NELL1: variants seen among roughly 807,000 people sequenced by gnomAD.
The protein encoded by NELL1 is neural EGFL like 1, also known as protein kinase C-binding protein NELL1.
Under a neutral mutation model 107.4 loss-of-function variants are expected in NELL1, and 76 were observed. That is an observed-to-expected ratio of 0.71 (90% CI 0.59 to 0.86). The LOEUF is 0.86. Ranked by LOEUF, NELL1 falls within the 40% of genes least tolerant of loss-of-function variation. The probability of loss-of-function intolerance (pLI) is 0.00; values close to 1 mark genes in which losing one functional copy is unlikely to be tolerated. For synonymous variants in NELL1, 353 were observed against 341.2 expected (o/e 1.03, Z -0.38); for missense variants, 1,024 against 1,005.5 (o/e 1.02, Z -0.25).
At chr11:21,152,048 T>C (rs1856129605) in intron 13 of NELL1, among the ~76,000 whole-genome samples, 1 of 152,174 alleles carries the variant, frequency 6.6e-6, no homozygotes, top group Non-Finnish European at 1.5e-5. Flanking sequence ...AAGTACTAGA[T>C]TTAATAGTCC....
chr11:20,724,144 C>T (rs564327391), intron 2 of NELL1, among the ~76,000 whole-genome samples: 5 of 152,332 alleles, frequency 3.3e-5, no homozygotes, highest in East Asian at 3.9e-4. Context: ...AGGCCTTGGG[C>T]CTGTGATGGA....
chr11:21,013,989 A>G (rs1398797036), intron 12 of NELL1, among the ~76,000 whole-genome samples: 1 of 151,988 alleles, frequency 6.6e-6, no homozygotes, highest in African/African-American at 2.4e-5. Flanking sequence ...GGCTGGGGTT[A>G]TGTGTATTGA....
intron 15 of NELL1, among the ~76,000 whole-genome samples, chr11:21,440,609 T>C (rs1254157622): frequency 6.6e-6 from 1 of 152,184 alleles, no homozygotes; most frequent in East Asian, 1.9e-4. Flanking sequence ...ATAGTGAAGA[T>C]GTACTACCTA....
intron 14 of NELL1, among the ~76,000 whole-genome samples, chr11:21,244,195 C>T (rs1310735415): frequency 6.6e-6 from 1 of 152,076 alleles, no homozygotes; most frequent in Non-Finnish European, 1.5e-5. Context: ...AAGAACACAA[C>T]AAATCTATAG....
chr11:20,742,625 C>T (rs769708751), intron 2 of NELL1, among the ~76,000 whole-genome samples: 54 of 152,240 alleles, frequency 3.5e-4, no homozygotes, highest in South Asian at 4.2e-4. Flanking sequence ...GGCAAGAGAG[C>T]GTGTGCAGGA....
intron 15 of NELL1, among the ~76,000 whole-genome samples, chr11:21,454,641 A>G (rs1319407400): frequency 2.0e-5 from 3 of 152,250 alleles, no homozygotes; most frequent in East Asian, 3.8e-4. Context: ...GGTTTAAATG[A>G]CAGACATTTA....
intron 15 of NELL1, among the ~76,000 whole-genome samples, chr11:21,483,990 C>CATACATATATAT (rs1554920912): frequency 1.1e-5 from 1 of 88,400 alleles, no homozygotes; most frequent in East Asian, 2.9e-4. Flanking sequence ...TTTTACTTAA[C>CATACATATATAT]ATATATATAT....
chr11:20,724,323 A>G (rs1855461028), intron 2 of NELL1, among the ~76,000 whole-genome samples: 1 of 152,228 alleles, frequency 6.6e-6, no homozygotes, highest in African/African-American at 2.4e-5. Context: ...CAAATTTTCC[A>G]AACTTATATA....
chr11:21,092,993 T>G (rs1854555415), intron 12 of NELL1, among the ~76,000 whole-genome samples: 1 of 152,202 alleles, frequency 6.6e-6, no homozygotes, highest in South Asian at 2.1e-4. Flanking sequence ...GAGTCTGGTA[T>G]ACAAGTCTTG....
At chr11:20,808,007 T>C (rs1406551482) in intron 3 of NELL1, among the ~76,000 whole-genome samples, 4 of 152,302 alleles carry the variant, frequency 2.6e-5, no homozygotes, top group South Asian at 2.1e-4. Flanking sequence ...CAGCCTGGAA[T>C]TGGGGACCCC....
chr11:21,003,636 A>G (rs1368632806), intron 12 of NELL1, among the ~76,000 whole-genome samples: 1 of 152,032 alleles, frequency 6.6e-6, no homozygotes, highest in Non-Finnish European at 1.5e-5. Flanking sequence ...TGGTACAGAG[A>G]CCTATGGACC....
intron 12 of NELL1, among the ~76,000 whole-genome samples, chr11:21,021,012 AACACAC>A (rs56813080): frequency 4.9e-4 from 69 of 140,304 alleles, no homozygotes; most frequent in South Asian, 2.1e-3. Flanking sequence ...AGAAACTTAG[AACACAC>A]ACACACACAC....
rs115294223 is a variant in NELL1, at chr11:20,674,873, C to T, written c.56-3059C>T. Among the ~76,000 whole-genome samples the T allele has an allele frequency of 9.4e-3, 1,428 of 152,232 alleles. 23 individuals are homozygous for T. Among genetic ancestry groups the T allele is most frequent in the African/African-American group, 0.032 (1,336 of 41,528 alleles). On this transcript the variant is annotated intron_variant, in intron 1 of 19. Transcript: ENST00000357134. ...GATTTGAGCGTCTTAAGGATGCCATCGTAGAAGGTCTTTAGTCCCTGCATC... is the reference window on the plus strand; with the variant it reads ...GATTTGAGCGTCTTAAGGATGCCATTGTAGAAGGTCTTTAGTCCCTGCATC...
intron 2 of NELL1, among the ~76,000 whole-genome samples, chr11:20,749,413 A>C (rs959171288): frequency 1.6e-4 from 25 of 152,046 alleles, no homozygotes; most frequent in Non-Finnish European, 2.9e-4. Context: ...AGCCTGGGTA[A>C]CACAATGAGA....
chr11:21,457,144 G>C (rs977438781), intron 15 of NELL1, among the ~76,000 whole-genome samples: 1 of 152,148 alleles, frequency 6.6e-6, no homozygotes, highest in Admixed American at 6.5e-5. Context: ...AGAAAGAATG[G>C]CCAGTTCTAC....
intron 12 of NELL1, among the ~76,000 whole-genome samples, chr11:21,068,182 T>A (rs981313251): frequency 1.3e-5 from 2 of 152,066 alleles, no homozygotes; most frequent in African/African-American, 4.8e-5. Context: ...ACCCTGTGCC[T>A]GGATGAATGG....
intron 15 of NELL1, among the ~76,000 whole-genome samples, chr11:21,408,113 T>A (rs188624465): frequency 8.2e-4 from 125 of 152,098 alleles, no homozygotes; most frequent in Non-Finnish European, 1.3e-3. Context: ...GAGTTGATCA[T>A]AGCTCTCTTT....
chr11:20,988,402 T>C (rs565867639), intron 12 of NELL1, among the ~76,000 whole-genome samples: 1 of 150,766 alleles, frequency 6.6e-6, no homozygotes, highest in South Asian at 2.1e-4. Flanking sequence ...TATATACATA[T>C]CTATATATAC....
chr11:20,887,411 AACT>A (rs1849531868), intron 5 of NELL1, among the ~76,000 whole-genome samples: 1 of 152,220 alleles, frequency 6.6e-6, no homozygotes, highest in Admixed American at 6.5e-5. Context: ...ATTCACAGGC[AACT>A]GCTAAACCAT....
Sources: allele counts gnomAD v4.1 joint callset (sites outside exome capture counted in the v4.1 genomes callset), GRCh38; gene constraint gnomAD v4.1.1; transcripts MANE v1.5; gene names NCBI Gene and HGNC (gene_info 2026-07-23, HGNC 2026-07-21).